Variants in TMPRSS15 observed in about 807,000 individuals in gnomAD.
TMPRSS15 encodes transmembrane serine protease 15.
Under a neutral mutation model 125.3 loss-of-function variants are expected in TMPRSS15, and 128 were observed. The observed-to-expected ratio is 1.02, with a 90% CI of 0.89 to 1.18. TMPRSS15 has a LOEUF of 1.18. Among genes scored for constraint, TMPRSS15 ranks in the 50% most tolerant of loss-of-function variants. TMPRSS15 has a pLI of 0.00. For synonymous variants in TMPRSS15, 446 were observed against 423.2 expected, an observed-to-expected ratio of 1.05 and a Z score of -0.66; for missense variants, 1,283 against 1,212.7, an observed-to-expected ratio of 1.06 and a Z score of -0.86.
rs1246592351 is a variant in TMPRSS15, at chr21:18,275,469, A to G, written c.2765-133T>C. On this transcript the variant is annotated intron_variant, in intron 23 of 24. Coordinates refer to ENST00000284885, the MANE Select transcript of TMPRSS15 (RefSeq NM_002772.3). ...GTACTGTGTATATATAATGGAACTAAATACTAAACCTTGCACACTAAAGCA... is the reference window on the plus strand; with the variant it reads ...GTACTGTGTATATATAATGGAACTAGATACTAAACCTTGCACACTAAAGCA... 3 of 1,098,828 alleles carry G rather than the reference A, an allele frequency of 2.7e-6. No homozygotes were observed. In the African/African-American group the frequency reaches 4.7e-5, roughly 17 times the overall value. The allele number at this position is 1,098,828 out of a possible 1,614,324, so 68.1% of individuals were successfully genotyped here.
At chr21:18,427,539 T>G (rs2076205553) in intron 1 of TMPRSS15, among the ~76,000 whole-genome samples, 1 of 152,186 alleles carries the variant, frequency 6.6e-6, no homozygotes, top group Non-Finnish European at 1.5e-5. Flanking sequence ...ATAGGGGACT[T>G]TAGTTGCAGG....
chr21:18,383,143 A>C (rs1260044140), intron 4 of TMPRSS15, among the ~76,000 whole-genome samples: 1 of 152,066 alleles, frequency 6.6e-6, no homozygotes, highest in Admixed American at 6.5e-5. Context: ...CGGTGCAAAG[A>C]ATGCGTAAGA....
chr21:18,375,654 A>G (rs1329438769), intron 5 of TMPRSS15, among the ~76,000 whole-genome samples: 1 of 152,206 alleles, frequency 6.6e-6, no homozygotes, highest in Non-Finnish European at 1.5e-5. Flanking sequence ...TACCTTCAGG[A>G]CACTAACTTT....
At chr21:18,413,924 T>A (rs986034791) in intron 1 of TMPRSS15, among the ~76,000 whole-genome samples, 3 of 152,148 alleles carry the variant, frequency 2.0e-5, no homozygotes, top group African/African-American at 7.2e-5. Context: ...GACAGGCTCA[T>A]AATGCACTTA....
intron 1 of TMPRSS15, among the ~76,000 whole-genome samples, chr21:18,422,087 G>A (rs1004138872): frequency 2.0e-5 from 3 of 150,698 alleles, no homozygotes; most frequent in East Asian, 3.9e-4. Context: ...AGGTTCAAAC[G>A]ATTCTTCTGC....
At chr21:18,406,664 A>G (rs544557173), upstream of TMPRSS15, among the ~76,000 whole-genome samples, 6 of 152,300 alleles carry the variant, frequency 3.9e-5, no homozygotes, top group Non-Finnish European at 8.8e-5. Flanking sequence ...AGCCTTAGCA[A>G]TACTTAGTAG....
At chr21:18,365,758 T>C (rs2075730295) in intron 6 of TMPRSS15, among the ~76,000 whole-genome samples, 1 of 147,616 alleles carries the variant, frequency 6.8e-6, no homozygotes, top group South Asian at 2.1e-4. Flanking sequence ...TTTTTTTTTT[T>C]TTGAGACAGA....
At chr21:18,462,423 G>A (rs1256230902) in intron 1 of TMPRSS15, among the ~76,000 whole-genome samples, 1 of 151,928 alleles carries the variant, frequency 6.6e-6, no homozygotes, top group Non-Finnish European at 1.5e-5. Context: ...TACTTCAGGA[G>A]GGTATATTAC....
At chr21:18,328,387 A>G (rs2075313361) in intron 15 of TMPRSS15, among the ~76,000 whole-genome samples, 1 of 152,242 alleles carries the variant, frequency 6.6e-6, no homozygotes, top group Admixed American at 6.5e-5. Flanking sequence ...AAAATTTTGT[A>G]TAACACAATT....
At chr21:18,436,737 C>G (rs868228802) in intron 1 of TMPRSS15, among the ~76,000 whole-genome samples, 3 of 147,726 alleles carry the variant, frequency 2.0e-5, no homozygotes, top group Non-Finnish European at 4.5e-5. Context: ...TTACAAGGGA[C>G]GTGAAGGACC....
chr21:18,473,868 A>C (rs1206100537), intron 1 of TMPRSS15, among the ~76,000 whole-genome samples: 2 of 152,164 alleles, frequency 1.3e-5, no homozygotes, highest in African/African-American at 4.8e-5. Context: ...ATTAATGAAC[A>C]GGAAAATTCA....
At position 18,344,049 on chromosome 21, in the gene TMPRSS15, A is replaced by T; in HGVS notation, c.1183T>A (p.Ser395Thr). The stretch of plus-strand genomic sequence containing the variant: ...CTCCCTCCTGGTCCAGTTGGGGTAG[A>T]AATGTAAAATCCTGTAAAAATATCA... ...TFGNASGFYI[S>T]TPTGPGGRQE... Residue 395 changes from serine to threonine, a missense_variant, in exon 11 of 25, where the codon TCT (serine) becomes ACT (threonine). Coordinates refer to ENST00000284885, the MANE Select transcript of TMPRSS15 (RefSeq NM_002772.3). The T allele has an allele frequency of 1.9e-6, 3 of 1,613,636 alleles. No individual in the cohort carries two copies. The highest frequency in any genetic ancestry group is 2.5e-6 in the Non-Finnish European group (3 of 1,179,888).
chr21:18,415,132 C>T (rs912655935), intron 1 of TMPRSS15, among the ~76,000 whole-genome samples: 19 of 152,030 alleles, frequency 1.2e-4, no homozygotes, highest in Admixed American at 2.6e-4. Context: ...CTTTTTTACA[C>T]ACCTGCTGGC....
chr21:18,360,532 C>A (rs2075670312), intron 7 of TMPRSS15, among the ~76,000 whole-genome samples: 1 of 152,206 alleles, frequency 6.6e-6, no homozygotes, highest in South Asian at 2.1e-4. Flanking sequence ...TTCTCGATAT[C>A]ATTTGTGGAA....
intron 13 of TMPRSS15, among the ~76,000 whole-genome samples, chr21:18,337,754 T>G (rs540829811): frequency 2.0e-5 from 3 of 152,212 alleles, no homozygotes; most frequent in Non-Finnish European, 4.4e-5. Context: ...AGAAAGGCTA[T>G]TAGCCAGTCA....
At chr21:18,339,639 C>T (rs1176065172) in intron 13 of TMPRSS15, among the ~76,000 whole-genome samples, 1 of 151,972 alleles carries the variant, frequency 6.6e-6, no homozygotes, top group African/African-American at 2.4e-5. Context: ...CAAGCAAAGC[C>T]GTAGAGCTAA....
At chr21:18,348,036 AT>A (rs1471548292) in intron 10 of TMPRSS15, among the ~76,000 whole-genome samples, 1 of 152,116 alleles carries the variant, frequency 6.6e-6, no homozygotes, top group Non-Finnish European at 1.5e-5. Flanking sequence ...ATTTAAAAAA[AT>A]TGCTGGGTGT....
At chr21:18,471,432 T>C (rs980380560) in intron 1 of TMPRSS15, among the ~76,000 whole-genome samples, 6 of 151,712 alleles carry the variant, frequency 4.0e-5, no homozygotes, top group African/African-American at 2.4e-5. Flanking sequence ...TATTTATTGT[T>C]GTAATTCCTG....
intron 1 of TMPRSS15, among the ~76,000 whole-genome samples, chr21:18,432,019 C>T (rs1024678701): frequency 6.6e-6 from 1 of 152,050 alleles, no homozygotes; most frequent in Non-Finnish European, 1.5e-5. Context: ...ATAAAGTTTT[C>T]TTACATTTAT....
Sources: allele counts gnomAD v4.1 joint callset (sites outside exome capture counted in the v4.1 genomes callset), GRCh38; gene constraint gnomAD v4.1.1; transcripts MANE v1.5; gene names NCBI Gene and HGNC (gene_info 2026-07-23, HGNC 2026-07-21).